ABTB2: variants seen among roughly 807,000 people sequenced by gnomAD.
ABTB2 encodes ankyrin repeat and BTB/POZ domain-containing protein 2.
A neutral mutation model predicts 104.1 loss-of-function variants in ABTB2; 56 were observed. The ratio of observed to expected loss-of-function variants is 0.54; its 90% CI spans 0.43 to 0.67. ABTB2 has a LOEUF of 0.67. Ranked by LOEUF, ABTB2 falls within the 30% of genes least tolerant of loss-of-function variation. The pLI is 0.00. For missense variants in ABTB2, 1,279 were observed against 1,407.7 expected, an observed-to-expected ratio of 0.91 and a Z score of 1.46; for synonymous variants, 606 against 608.2, an observed-to-expected ratio of 1.00 and a Z score of 0.05.
intron 1 of ABTB2, among the ~76,000 whole-genome samples, chr11:34,295,352 G>A (rs540385316): frequency 1.6e-3 from 243 of 152,308 alleles, no homozygotes; most frequent in Middle Eastern, 3.4e-3. Flanking sequence ...GGAGGAACGA[G>A]TCCCTGCTGG....
At chr11:34,176,505 G>T (rs1852962916) in intron 3 of ABTB2, among the ~76,000 whole-genome samples, 1 of 152,150 alleles carries the variant, frequency 6.6e-6, no homozygotes, top group Admixed American at 6.5e-5. Context: ...AGCCAGGCCT[G>T]CTGGCACACG....
At chr11:34,284,426 T>C (rs570137432) in intron 1 of ABTB2, among the ~76,000 whole-genome samples, 30 of 152,336 alleles carry the variant, frequency 2.0e-4, no homozygotes, top group African/African-American at 7.2e-4. Context: ...TTACAGAACC[T>C]CTTTGTATAA....
chr11:34,276,403 T>C (rs1309135883), intron 1 of ABTB2, among the ~76,000 whole-genome samples: 1 of 152,200 alleles, frequency 6.6e-6, no homozygotes, highest in Non-Finnish European at 1.5e-5. Context: ...CTTGAAGCTA[T>C]ACTTCATAAT....
At chr11:34,204,764 C>T in intron 1 of ABTB2, 74 bp from the exon 2 acceptor site, 3 of 1,512,038 alleles carry the variant, frequency 2.0e-6, no homozygotes, top group Non-Finnish European at 2.7e-6. Context: ...CTGCTGCAGG[C>T]AGGGCTCAGC....
At chr11:34,182,540 G>T (rs1279249235) in intron 3 of ABTB2, among the ~76,000 whole-genome samples, 1 of 144,316 alleles carries the variant, frequency 6.9e-6, no homozygotes, top group Non-Finnish European at 1.5e-5. Flanking sequence ...AACTCATCTG[G>T]TACAGATTAG....
intron 1 of ABTB2, among the ~76,000 whole-genome samples, chr11:34,267,670 T>A (rs1051397375): frequency 1.3e-5 from 2 of 152,094 alleles, no homozygotes. Flanking sequence ...TGGTGTGGAT[T>A]TCGTTTATGT....
At chr11:34,269,133 G>A (rs138633909) in intron 1 of ABTB2, among the ~76,000 whole-genome samples, 52 of 152,294 alleles carry the variant, frequency 3.4e-4, no homozygotes, top group Admixed American at 1.4e-3. Flanking sequence ...TGAACACGAT[G>A]GAGAAATGCC....
intron 1 of ABTB2, chr11:34,336,047 A>C: frequency 2.4e-6 from 1 of 412,606 alleles, no homozygotes; most frequent in Non-Finnish European, 4.4e-6. Flanking sequence ...CCTTTGGTAA[A>C]GTTATTCCAG....
chr11:34,291,377 A>G (rs890803957), intron 1 of ABTB2, among the ~76,000 whole-genome samples: 43 of 152,230 alleles, frequency 2.8e-4, no homozygotes, highest in African/African-American at 1.0e-3. Context: ...TCAGCAGAAC[A>G]CATGGGCTGT....
chr11:34,247,279 C>A (rs1407334379), intron 1 of ABTB2, among the ~76,000 whole-genome samples: 1 of 152,148 alleles, frequency 6.6e-6, no homozygotes. Flanking sequence ...CCCAAAGCTG[C>A]GAAGGAGGAA....
intron 3 of ABTB2, among the ~76,000 whole-genome samples, chr11:34,180,192 C>T (rs2133023179): frequency 6.6e-6 from 1 of 152,330 alleles, no homozygotes; most frequent in East Asian, 1.9e-4. Flanking sequence ...TGCCAGCAGG[C>T]TGCCCACCAC....
intron 1 of ABTB2, among the ~76,000 whole-genome samples, chr11:34,312,335 T>C (rs993510161): frequency 4.6e-5 from 7 of 151,988 alleles, no homozygotes; most frequent in Non-Finnish European, 8.8e-5. Flanking sequence ...ACGAGGCAAG[T>C]GATGTTGGAC....
chr11:34,231,659 CT>C (rs1259673496), intron 1 of ABTB2, among the ~76,000 whole-genome samples: 6 of 152,194 alleles, frequency 3.9e-5, no homozygotes, highest in Non-Finnish European at 7.3e-5. Flanking sequence ...CAAACTCCGC[CT>C]CCTGGGTTCA....
chr11:34,182,139 T>C (rs566985601), intron 3 of ABTB2, among the ~76,000 whole-genome samples: 2 of 152,340 alleles, frequency 1.3e-5, no homozygotes, highest in African/African-American at 2.4e-5. Context: ...GGGCCAGCAA[T>C]GAGGCCCTCA....
At chr11:34,293,619 G>A (rs182158570) in intron 1 of ABTB2, among the ~76,000 whole-genome samples, 25 of 152,330 alleles carry the variant, frequency 1.6e-4, no homozygotes, top group African/African-American at 5.5e-4. Context: ...TGTGTCAAAT[G>A]CTGCTGAGAT....
intron 1 of ABTB2, among the ~76,000 whole-genome samples, chr11:34,323,618 C>G (rs546983874): frequency 1.3e-4 from 20 of 152,250 alleles, no homozygotes; most frequent in Middle Eastern, 3.4e-3. Context: ...CTCGTATTAG[C>G]CTAATTTTTG....
At chr11:34,257,917 C>T (rs563137422) in intron 1 of ABTB2, among the ~76,000 whole-genome samples, 137 of 152,180 alleles carry the variant, frequency 9.0e-4, no homozygotes, top group Non-Finnish European at 1.7e-3. Context: ...ATATTCTCTA[C>T]CTAGGGGTTG....
At position 34,162,784 on chromosome 11, in the gene ABTB2, C is replaced by CA; in HGVS notation, c.2009dup (p.Thr671AspfsTer7). The CA allele has an allele frequency of 6.2e-7, 1 of 1,605,694 alleles. No homozygotes were observed. The highest frequency in any genetic ancestry group is 8.5e-7 in the Non-Finnish European group (1 of 1,179,844). On this transcript the variant is annotated frameshift_variant, in exon 10 of 17. Coordinates refer to ENST00000435224, the MANE Select transcript of ABTB2 (RefSeq NM_145804.3). LOFTEE classifies it high-confidence loss of function. ...CCGCTTTAGCCTGCTGTGGCTGCGT[C>CA]AGGAGCTTCCTCAGGACGTTCCTGC... is the stretch of plus-strand genomic sequence containing the variant.
At chr11:34,322,465 CTAGGA>C (rs1855016156) in intron 1 of ABTB2, among the ~76,000 whole-genome samples, 1 of 152,078 alleles carries the variant, frequency 6.6e-6, no homozygotes, top group Admixed American at 6.5e-5. Context: ...ATCCCAGCTA[CTAGGA>C]AGGCTGAGGC....
Sources: gnomAD v4.1 joint callset for allele counts (sites outside exome capture counted in the v4.1 genomes callset) on GRCh38, gnomAD v4.1.1 for gene constraint, MANE v1.5 for transcripts, NCBI Gene and HGNC (gene_info 2026-07-23, HGNC 2026-07-21) for gene names.